The following NOL10 variants were observed in gnomAD, a reference collection of about 807,000 sequenced individuals.
The protein encoded by NOL10 is H_NH0074G24.1.
In NOL10, 58 loss-of-function variants were observed where a neutral mutation model predicts 103.5. The observed-to-expected ratio is 0.56, with a 90% CI of 0.45 to 0.70. NOL10 has a LOEUF of 0.70. NOL10 is among the 30% of genes least tolerant of loss of function. NOL10 has a pLI of 0.00. For synonymous variants in NOL10, 287 were observed against 282.5 expected (o/e 1.02, Z -0.16); for missense variants, 763 against 807.3 (o/e 0.95, Z 0.67).
intron 19 of NOL10, among the ~76,000 whole-genome samples, chr2:10,579,837 T>C (rs568083637): frequency 1.3e-5 from 2 of 151,700 alleles, no homozygotes; most frequent in East Asian, 3.9e-4. Flanking sequence ...TGAGAGAAGA[T>C]GGTATACAGA....
chr2:10,629,912 T>G (rs1677726595), intron 13 of NOL10, among the ~76,000 whole-genome samples: 1 of 152,126 alleles, frequency 6.6e-6, no homozygotes, highest in Non-Finnish European at 1.5e-5. Flanking sequence ...CTCAGTCCCC[T>G]GAGTAGCTAA....
chr2:10,589,827 C>CA, intron 17 of NOL10, 76 bp from the exon 18 acceptor site: 1 of 867,618 alleles, frequency 1.2e-6, no homozygotes, highest in Non-Finnish European at 1.7e-6. Flanking sequence ...GGTTTTAAAA[C>CA]ACTGATTCTA....
At chr2:10,649,209 AG>A (rs1345773915) in intron 12 of NOL10, among the ~76,000 whole-genome samples, 2 of 122,002 alleles carry the variant, frequency 1.6e-5, no homozygotes, top group African/African-American at 6.9e-5. Context: ...AGAAGCACAG[AG>A]ATAAATAAAT....
At chr2:10,628,877 G>A (rs1181540933) in intron 13 of NOL10, among the ~76,000 whole-genome samples, 3 of 151,982 alleles carry the variant, frequency 2.0e-5, no homozygotes, top group East Asian at 3.9e-4. Flanking sequence ...TCCCAACAAC[G>A]ATCCATCACT....
chr2:10,602,990 A>G, intron 15 of NOL10, 88 bp downstream of exon 15: 1 of 1,255,796 alleles, frequency 8.0e-7, no homozygotes, highest in Non-Finnish European at 1.1e-6. Flanking sequence ...AATCCTATGT[A>G]TGATTTATGA....
intron 13 of NOL10, among the ~76,000 whole-genome samples, chr2:10,623,398 CT>C (rs1677261246): frequency 6.6e-6 from 1 of 152,152 alleles, no homozygotes; most frequent in South Asian, 2.1e-4. Flanking sequence ...GATGATCTCC[CT>C]GATTCTGCCA....
chr2:10,669,065 G>C (rs747604940), intron 6 of NOL10, among the ~76,000 whole-genome samples: 24 of 151,952 alleles, frequency 1.6e-4, no homozygotes, highest in Non-Finnish European at 2.8e-4. Flanking sequence ...TCTGGGTGGT[G>C]TAATTATGGC....
chr2:10,628,934 C>T (rs1677658091), intron 13 of NOL10, among the ~76,000 whole-genome samples: 3 of 152,164 alleles, frequency 2.0e-5, no homozygotes, highest in African/African-American at 7.2e-5. Flanking sequence ...ATCACATAAA[C>T]TGGATGCCTT....
intron 19 of NOL10, among the ~76,000 whole-genome samples, chr2:10,583,517 C>T (rs1303648439): frequency 2.0e-5 from 3 of 152,212 alleles, no homozygotes; most frequent in African/African-American, 7.2e-5. Context: ...GACGCATGGG[C>T]TCCTTTATTT....
chr2:10,671,659 T>C lies in NOL10; in HGVS notation c.359A>G (p.Glu120Gly). The change falls in exon 6 of 21, where the codon GAA becomes GGA. Residue 120 changes from glutamate (E) to glycine (G), a missense_variant. Glu to Gly is a moderately conservative substitution (Grantham distance 98). Transcript: ENST00000381685. ...GTAAAAACCTGATTGCGAATGAAAT[T>C]CAATGTATCTATCATTATGTAAGAA... ...IVFLHNDRYI[E>G]FHSQSGFYYK... is the part of the protein sequence containing the mutation. The C allele has an allele frequency of 6.3e-7, 1 of 1,576,754 alleles. No homozygotes were observed. Among genetic ancestry groups the C allele is most frequent in the Non-Finnish European group, 8.6e-7 (1 of 1,158,690 alleles).
chr2:10,671,518 G>T (rs753311040), intron 6 of NOL10, 36 bp downstream of exon 6: 1 of 1,456,888 alleles, frequency 6.9e-7, no homozygotes, highest in Non-Finnish European at 9.1e-7. Flanking sequence ...GTTGTTTTAG[G>T]AGGTGAAAAG....
At chr2:10,618,274 T>C (rs1222041015) in intron 13 of NOL10, among the ~76,000 whole-genome samples, 1 of 152,184 alleles carries the variant, frequency 6.6e-6, no homozygotes, top group Admixed American at 6.5e-5. Flanking sequence ...GAGGTTATTA[T>C]GTCTCCTTAG....
At chr2:10,669,570 G>A (rs1344805160) in intron 6 of NOL10, among the ~76,000 whole-genome samples, 1 of 147,284 alleles carries the variant, frequency 6.8e-6, no homozygotes, top group Non-Finnish European at 1.5e-5. Context: ...TCAAATACCT[G>A]GTCAAATGCT....
intron 13 of NOL10, among the ~76,000 whole-genome samples, chr2:10,633,795 GT>G (rs1678007494): frequency 3.7e-5 from 2 of 54,720 alleles, no homozygotes; most frequent in Non-Finnish European, 1.1e-4. Context: ...TTATATGTAT[GT>G]GTGTGTGTGT....
At chr2:10,617,236 G>C (rs550078470) in intron 13 of NOL10, among the ~76,000 whole-genome samples, 21 of 152,282 alleles carry the variant, frequency 1.4e-4, no homozygotes, top group Admixed American at 7.2e-4. Context: ...CCTAGAGGTT[G>C]GAATTGCTTG....
intron 3 of NOL10, among the ~76,000 whole-genome samples, chr2:10,677,871 G>GTATATA (rs759421280): frequency 1.0e-4 from 15 of 145,898 alleles, no homozygotes; most frequent in African/African-American, 3.9e-4. Context: ...GTGTGTGTGT[G>GTATATA]TATACACATA....
intron 17 of NOL10, among the ~76,000 whole-genome samples, chr2:10,596,528 G>A (rs1219033546): frequency 6.6e-6 from 1 of 152,074 alleles, no homozygotes; most frequent in Non-Finnish European, 1.5e-5. Context: ...TTCACAATAG[G>A]GTTCATGCTC....
intron 20 of NOL10, 142 bp from the exon 21 acceptor site, chr2:10,572,332 A>G (rs1478837554): frequency 9.1e-6 from 8 of 876,288 alleles, no homozygotes; most frequent in African/African-American, 1.7e-5. Flanking sequence ...TCCAGGGGAC[A>G]TGGTGGGGCT....
intron 12 of NOL10, among the ~76,000 whole-genome samples, chr2:10,652,243 AAAAAAAAAG>A (rs1477844341): frequency 0.014 from 723 of 51,432 alleles, 3 homozygotes; most frequent in Middle Eastern, 0.031. Flanking sequence ...CTGTCTCAAA[AAAAAAAAAG>A]AAAAAAAAGA....
Sources: allele counts gnomAD v4.1 joint callset (sites outside exome capture counted in the v4.1 genomes callset), GRCh38; gene constraint gnomAD v4.1.1; transcripts MANE v1.5; gene names NCBI Gene and HGNC (gene_info 2026-07-23, HGNC 2026-07-21).